Variants in CDH13 observed in about 807,000 individuals in gnomAD.
The protein encoded by CDH13 is cadherin 13.
CDH13 carries 24 observed loss-of-function variants against 63.8 expected under a neutral mutation model. The ratio of observed to expected loss-of-function variants is 0.38; its 90% CI spans 0.27 to 0.53. The LOEUF (loss-of-function observed/expected upper bound fraction) is 0.53, where lower values mean the gene tolerates loss of function less well. Ranked by LOEUF, CDH13 falls within the 20% of genes least tolerant of loss-of-function variation. The pLI is 0.85. For missense variants in CDH13, 1,049 were observed against 903.1 expected (o/e 1.16, Z -2.07); for synonymous variants, 503 against 355.3 (o/e 1.42, Z -4.67).
In CDH13 at chr16:82,910,279, C is replaced by T. The variant is rs74661907; in HGVS notation, c.157+51806C>T. Among the ~76,000 whole-genome samples, 203 of 152,200 alleles carry T rather than the reference C, an allele frequency of 1.3e-3. No individual in the cohort carries two copies. The East Asian group carries it at 0.02, about 15-fold the overall frequency. ...ACTACATAATCCAGCCTATTCTGGC[C>T]GATACTCATAGCTATGAGCAGCCTT... On this transcript the variant is annotated intron_variant, in intron 2 of 13. Transcript: ENST00000567109.
chr16:82,917,857 G>C (rs1047831685), intron 2 of CDH13, among the ~76,000 whole-genome samples: 8 of 146,778 alleles, frequency 5.5e-5, no homozygotes, highest in African/African-American at 1.8e-4. Flanking sequence ...AGAGGTTGCA[G>C]TGAGCCGAGA....
In CDH13 at chr16:83,634,656, C is replaced by T. The variant is rs1434535303; in HGVS notation, c.1101+32062C>T. On this transcript the variant is annotated intron_variant, in intron 8 of 13. Coordinates refer to ENST00000567109, the MANE Select transcript of CDH13 (RefSeq NM_001257.5). ...CCTCAGGTGATCCACCTGCCTCGGC[C>T]TCCCAAAGTGCTGGGATTACAGGTG... 2.6e-5 allele frequency among the ~76,000 whole-genome samples: 4 copies of T among 152,130 alleles called. No homozygotes were observed. In the East Asian group the frequency reaches 5.8e-4, roughly 22 times the overall value.
chr16:83,010,295 A>ATTGGAGGTCAGAGAGGTTAAC (rs1914015280), intron 2 of CDH13, among the ~76,000 whole-genome samples: 2 of 152,046 alleles, frequency 1.3e-5, no homozygotes, highest in Non-Finnish European at 2.9e-5. Context: ...GCAAGAACAA[A>ATTGGAGGTCAGAGAGGTTAAC]TTGGAGGTCA....
chr16:82,906,196 A>G (rs1429271305), intron 2 of CDH13, among the ~76,000 whole-genome samples: 5 of 152,104 alleles, frequency 3.3e-5, no homozygotes, highest in African/African-American at 7.2e-5. Flanking sequence ...TGCAGTTCTC[A>G]TTATTTCATT....
intron 7 of CDH13, among the ~76,000 whole-genome samples, chr16:83,514,324 G>T (rs546368082): frequency 6.6e-6 from 1 of 152,170 alleles, no homozygotes; most frequent in Non-Finnish European, 1.5e-5. Context: ...TAGGCCCTAC[G>T]TCCAGTATGC....
rs1907963652 is a variant in CDH13 at position 83,602,667 on chromosome 16, A to G, written c.1101+73A>G. 4.9e-6 allele frequency: 7 copies of G among 1,440,216 alleles called. No individual in the cohort carries two copies. In the African/African-American group the frequency reaches 7.0e-5, roughly 14 times the overall value. 89.2% of individuals were successfully genotyped at this position (1,440,216 alleles called of 1,614,324 possible). On this transcript the variant is annotated intron_variant, in intron 8 of 13. Transcript: ENST00000567109. Reference sequence around the variant, plus strand: ...ATTACTGATTGATGTTAATTCACGTACCACAGCACCTGCTGGCCCCCCTTT... The same window carrying G: ...ATTACTGATTGATGTTAATTCACGTGCCACAGCACCTGCTGGCCCCCCTTT...
intron 4 of CDH13, among the ~76,000 whole-genome samples, chr16:83,207,590 T>A (rs1298624928): frequency 6.6e-6 from 1 of 152,212 alleles, no homozygotes; most frequent in East Asian, 1.9e-4. Context: ...ACAGAATGCT[T>A]ATTCTTTCCG....
intron 4 of CDH13, among the ~76,000 whole-genome samples, chr16:83,203,196 C>A (rs1043167650): frequency 6.6e-6 from 1 of 152,048 alleles, no homozygotes; most frequent in Non-Finnish European, 1.5e-5. Flanking sequence ...TGCACTCCAG[C>A]CTGGGCAACA....
chr16:83,521,886 C>A (rs1316789473), intron 7 of CDH13, among the ~76,000 whole-genome samples: 1 of 152,218 alleles, frequency 6.6e-6, no homozygotes, highest in Non-Finnish European at 1.5e-5. Flanking sequence ...CAGGGCAAAT[C>A]ATCCTACTAT....
At chr16:82,804,297 ACACACACACACACACG>A (rs1225493669) in intron 1 of CDH13, among the ~76,000 whole-genome samples, 3 of 131,390 alleles carry the variant, frequency 2.3e-5, no homozygotes, top group South Asian at 4.7e-4. Context: ...ACACACACAC[ACACACACACACACACG>A]CACACACATA....
intron 7 of CDH13, among the ~76,000 whole-genome samples, chr16:83,516,401 G>C (rs919083005): frequency 8.5e-5 from 13 of 152,168 alleles, no homozygotes; most frequent in Non-Finnish European, 1.6e-4. Flanking sequence ...TAAAAATAGT[G>C]TCAACATTAC....
chr16:83,181,153 A>T, intron 4 of CDH13: 1 of 748,100 alleles, frequency 1.3e-6, no homozygotes, highest in Non-Finnish European at 2.0e-6. Context: ...GTCAGAAGTC[A>T]TCACATCTAC....
chr16:82,721,489 C>T (rs2032766982), intron 1 of CDH13, among the ~76,000 whole-genome samples: 1 of 152,152 alleles, frequency 6.6e-6, no homozygotes, highest in Non-Finnish European at 1.5e-5. Flanking sequence ...GGTCATGGAA[C>T]TGGCCAGTCA....
chr16:83,142,533 C>T (rs1482214311), intron 4 of CDH13, among the ~76,000 whole-genome samples: 1 of 152,182 alleles, frequency 6.6e-6, no homozygotes, highest in African/African-American at 2.4e-5. Context: ...CTCGGGGAAG[C>T]TTTCCTCAAT....
At chr16:82,706,440 G>T (rs965691337) in intron 1 of CDH13, among the ~76,000 whole-genome samples, 1 of 152,196 alleles carries the variant, frequency 6.6e-6, no homozygotes, top group Admixed American at 6.5e-5. Context: ...TGCCAGGGCA[G>T]AGTAGAAGGC....
At chr16:83,168,279 G>C (rs966418415) in intron 4 of CDH13, among the ~76,000 whole-genome samples, 1 of 152,002 alleles carries the variant, frequency 6.6e-6, no homozygotes, top group Non-Finnish European at 1.5e-5. Context: ...AGCTTAGCTA[G>C]GTGTTAAGTA....
chr16:83,164,720 C>CAAAAAAAAAA (rs771135269), intron 4 of CDH13, among the ~76,000 whole-genome samples: 2 of 138,830 alleles, frequency 1.4e-5, no homozygotes, highest in African/African-American at 2.9e-5. Flanking sequence ...GACTCTGTCT[C>CAAAAAAAAAA]AAAAAAAGAA....
chr16:83,426,509 TCACA>T (rs10545707), intron 6 of CDH13, among the ~76,000 whole-genome samples: 36,493 of 146,402 alleles, frequency 0.25, 4,764 homozygotes, highest in East Asian at 0.48. Context: ...ATGGAAACAA[TCACA>T]CACACACACA....
At chr16:82,803,302 A>G (rs922244423) in intron 1 of CDH13, among the ~76,000 whole-genome samples, 1 of 152,228 alleles carries the variant, frequency 6.6e-6, no homozygotes, top group East Asian at 1.9e-4. Context: ...TTGAGGGGCA[A>G]TTATATATTT....
Sources: allele counts gnomAD v4.1 joint callset (sites outside exome capture counted in the v4.1 genomes callset), GRCh38; gene constraint gnomAD v4.1.1; transcripts MANE v1.5; gene names NCBI Gene and HGNC (gene_info 2026-07-23, HGNC 2026-07-21).